EML1: variants seen among roughly 807,000 people sequenced by gnomAD.
EML1 encodes the protein echinoderm microtubule-associated protein-like 1.
A neutral mutation model predicts 110.4 loss-of-function variants in EML1; 27 were observed. The observed-to-expected ratio is 0.24, with a 90% CI of 0.18 to 0.34. The LOEUF is 0.34. Among genes scored for constraint, EML1 ranks in the 10% least tolerant of loss-of-function variants. The pLI is 1.00. For missense variants in EML1, 741 were observed against 1,030.9 expected, an observed-to-expected ratio of 0.72 and a Z score of 3.85; for synonymous variants, 344 against 385.8, an observed-to-expected ratio of 0.89 and a Z score of 1.27.
rs375349874 is a variant in EML1, at chr14:99,914,656, G to A, written c.1711G>A (p.Asp571Asn). The A allele has an allele frequency of 3.1e-6, 5 of 1,611,374 alleles. No individual in the cohort carries two copies. The African/African-American group carries it at 6.7e-5, about 22-fold the overall frequency. ...CGHDKHATLW[D>N]AVGHRPVWDK... is the part of the protein sequence containing the mutation. The stretch of plus-strand genomic sequence containing the variant: ...GCATGACAAGCATGCCACTCTCTGG[G>A]ACGCTGTGGGTCACCGTCCCGTCTG... Residue 571 changes from aspartate to asparagine, a missense_variant, in exon 15 of 22, where the codon GAC (aspartate) becomes AAC (asparagine). Transcript: ENST00000262233.
In EML1 at chr14:99,914,253, A is replaced by C; in HGVS notation, c.1569A>C (p.Arg523=). The change falls in exon 14 of 22, where the codon CGA becomes CGC. Residue 523 remains arginine (R), a synonymous_variant. Transcript: ENST00000262233. ...KGDVILIGTT[R]NFVLQGTLSG... Reference sequence around the variant, plus strand: ...ATGTGATCTTGATTGGCACAACTCGAAACTTTGTCCTGCAGGGCACTCTGT... The same window carrying C: ...ATGTGATCTTGATTGGCACAACTCGCAACTTTGTCCTGCAGGGCACTCTGT... 6.2e-7 allele frequency: 1 copy of C among 1,614,006 alleles called. No individual in the cohort carries two copies. Among genetic ancestry groups the C allele is most frequent in the East Asian group, 2.2e-5 (1 of 44,876 alleles).
intron 1 of EML1, among the ~76,000 whole-genome samples, chr14:99,804,465 CA>C (rs2057936047): frequency 1.3e-5 from 2 of 152,212 alleles, no homozygotes; most frequent in Non-Finnish European, 2.9e-5. Context: ...TTTTGACCGA[CA>C]AGGAAACAGA....
At chr14:99,919,825 A>G (rs1416552442) in intron 16 of EML1, among the ~76,000 whole-genome samples, 1 of 152,212 alleles carries the variant, frequency 6.6e-6, no homozygotes, top group Non-Finnish European at 1.5e-5. Flanking sequence ...GGCACTGAAA[A>G]GCAAAATCCA....
intron 9 of EML1, 77 bp downstream of exon 9, chr14:99,901,116 G>A: frequency 7.9e-7 from 1 of 1,261,564 alleles, no homozygotes; most frequent in Non-Finnish European, 1.2e-6. Flanking sequence ...AAGAGGGGGA[G>A]TTGACACACT....
rs111968144 is a variant in EML1, at chr14:99,905,102, G to A, written c.1009-2536G>A. Among the ~76,000 whole-genome samples the A allele has an allele frequency of 6.6e-6, 1 of 152,276 alleles. No individual in the cohort carries two copies. Among genetic ancestry groups the A allele is most frequent in the South Asian group, 2.1e-4 (1 of 4,820 alleles). On this transcript the variant is annotated intron_variant, in intron 9 of 21. Coordinates refer to ENST00000262233, the MANE Select transcript of EML1 (RefSeq NM_004434.3). The surrounding 1 kb of genome is among the most constrained non-coding windows in gnomAD (Gnocchi z 4.1). ...GTAAGAAATTCTTACCATTTTGCTG[G>A]CATGCCAGGCTTCTGGGTTCCCTTT...
chr14:99,939,145 G>A lies in EML1; in HGVS notation c.2192-52G>A. 1.2e-6 allele frequency: 2 copies of A among 1,602,878 alleles called. No individual in the cohort carries two copies. Among genetic ancestry groups the A allele is most frequent in the Non-Finnish European group, 1.7e-6 (2 of 1,174,256 alleles). ...TCAGTGGGCGCTTCCTGCGCCATGT[G>A]GCCCTGTGGCCCCTGGTGTTTCCAG... On this transcript the variant is annotated intron_variant, in intron 20 of 21. Transcript: ENST00000262233. This position sits in a 1 kb window ranked among gnomAD's most constrained non-coding sequence, Gnocchi z 4.2.
chr14:99,818,521 A>C (rs529784519), intron 1 of EML1, among the ~76,000 whole-genome samples: 2 of 152,212 alleles, frequency 1.3e-5, no homozygotes, highest in Non-Finnish European at 1.5e-5. Context: ...TGGTGCTTTC[A>C]TAGAGGTGAG....
chr14:99,891,316 C>T (rs530049314), intron 5 of EML1, 89 bp downstream of exon 5: 15 of 1,518,350 alleles, frequency 9.9e-6, no homozygotes, highest in Non-Finnish European at 7.3e-6. Flanking sequence ...CTTCAGGGGC[C>T]AGCCTTGGAC....
intron 1 of EML1, among the ~76,000 whole-genome samples, chr14:99,839,756 G>A (rs2058603508): frequency 6.6e-6 from 1 of 152,174 alleles, no homozygotes; most frequent in Admixed American, 6.5e-5. Context: ...ATTTGAAACA[G>A]GTTTATTTTG....
intron 1 of EML1, among the ~76,000 whole-genome samples, chr14:99,779,382 C>T: frequency 6.6e-6 from 1 of 152,156 alleles, no homozygotes; most frequent in Non-Finnish European, 1.5e-5. Flanking sequence ...ATAACTTTGA[C>T]CTATGAGGAT....
intron 1 of EML1, among the ~76,000 whole-genome samples, chr14:99,832,222 C>T (rs950274957): frequency 1.3e-5 from 2 of 152,116 alleles, no homozygotes; most frequent in African/African-American, 4.8e-5. Context: ...ATGTTTTTAT[C>T]GCTGGGCGCC....
At chr14:99,757,318 G>A (rs1480176026) in intron 1 of EML1, among the ~76,000 whole-genome samples, 4 of 148,648 alleles carry the variant, frequency 2.7e-5, no homozygotes, top group Non-Finnish European at 5.9e-5. Context: ...CAGCCTGGGC[G>A]ACAGAGCACG....
intron 1 of EML1, among the ~76,000 whole-genome samples, chr14:99,808,438 A>G (rs2058017838): frequency 6.6e-6 from 1 of 152,232 alleles, no homozygotes; most frequent in Non-Finnish European, 1.5e-5. Context: ...GTGTACGGTA[A>G]TAAAATAACA....
rs1207516581 is a variant in EML1 at position 99,753,673 on chromosome 14, G to A, written c.28+15813G>A. On this transcript the variant is annotated intron_variant, in intron 1 of 10. Coordinates refer to the EML1 transcript ENST00000554479. ...ACGGTGAGCGTCTGAGGGCAGGGTCGGTGTCTGAGTCATCTCTACCCCAGC... is the reference window on the plus strand; with the variant it reads ...ACGGTGAGCGTCTGAGGGCAGGGTCAGTGTCTGAGTCATCTCTACCCCAGC... 3.9e-5 allele frequency among the ~76,000 whole-genome samples: 6 copies of A among 152,128 alleles called. No homozygotes were observed. In the South Asian group the frequency reaches 1.0e-3, roughly 26 times the overall value.
At chr14:99,913,562 A>G (rs2059981605) in intron 13 of EML1, among the ~76,000 whole-genome samples, 3 of 152,208 alleles carry the variant, frequency 2.0e-5, no homozygotes, top group Admixed American at 1.3e-4. Flanking sequence ...AGCATTCCTT[A>G]TTTTTAAATT....
chr14:99,912,139 C>T (rs1399171717), intron 13 of EML1, among the ~76,000 whole-genome samples: 1 of 152,132 alleles, frequency 6.6e-6, no homozygotes, highest in East Asian at 1.9e-4. Context: ...ACCTCAGCCT[C>T]CCAAAGTGCT....
In EML1 at chr14:99,852,569, G is replaced by A. The variant is rs190465959; in HGVS notation, c.250+1534G>A. On this transcript the variant is annotated intron_variant, in intron 2 of 21. Transcript: ENST00000262233. ...GGCCAAGGCTGCAGAGAGCACCACT[G>A]CACTCCAGCCGGGTGACAGAGCAAG... 4.8e-3 allele frequency among the ~76,000 whole-genome samples: 735 copies of A among 152,288 alleles called. 6 individuals are homozygous for A. The highest frequency in any genetic ancestry group is 6.4e-3 in the Non-Finnish European group (433 of 68,022).
At position 99,781,954 on chromosome 14, in the gene EML1, C is replaced by T. The variant is rs1297543929; in HGVS notation, c.-27+7941C>T. Among the ~76,000 whole-genome samples, 1 of 152,170 alleles carries T rather than the reference C, an allele frequency of 6.6e-6. No homozygotes were observed. The highest frequency in any genetic ancestry group is 6.5e-5 in the Admixed American group (1 of 15,276). On this transcript the variant is annotated intron_variant, in intron 1 of 22. Transcript: ENST00000327921. This position sits in a 1 kb window ranked among gnomAD's most constrained non-coding sequence, Gnocchi z 4.2. Reference sequence around the variant, plus strand: ...GTTTCACTAATCCCCATGTGTCTGTCGGTCCCAAACCCAAGCAACAAATAC... The same window carrying T: ...GTTTCACTAATCCCCATGTGTCTGTTGGTCCCAAACCCAAGCAACAAATAC...
rs1437091047 is a variant in EML1, at chr14:99,911,876, CT to C, written c.1494+305del. ...TATAAAAATCTGTCTTCTCTTTTAA[CT>C]TTTTCTTTTTCTTTTTTTCTTTCTT... On this transcript the variant is annotated intron_variant, in intron 13 of 21. Transcript: ENST00000262233. 9.3e-5 allele frequency among the ~76,000 whole-genome samples: 14 copies of C among 151,288 alleles called. No homozygotes were observed. In the South Asian group the frequency reaches 1.3e-3, roughly 14 times the overall value.
Sources: allele counts gnomAD v4.1 joint callset (sites outside exome capture counted in the v4.1 genomes callset), GRCh38; gene constraint gnomAD v4.1.1; non-coding constraint Gnocchi (gnomAD v3.1); transcripts MANE v1.5; gene names NCBI Gene and HGNC (gene_info 2026-07-23, HGNC 2026-07-21).